RAP1GAP: variants seen among roughly 807,000 people sequenced by gnomAD.
RAP1GAP encodes rap1 GTPase-activating protein 1.
A neutral mutation model predicts 87.2 loss-of-function variants in RAP1GAP; 35 were observed. The ratio of observed to expected loss-of-function variants is 0.40; its 90% CI spans 0.31 to 0.53. RAP1GAP has a LOEUF of 0.53. Among genes scored for constraint, RAP1GAP ranks in the 20% least tolerant of loss-of-function variants. The pLI, the probability that RAP1GAP is intolerant of heterozygous loss-of-function variation, is 0.48. For synonymous variants in RAP1GAP, 375 were observed against 363.9 expected, an observed-to-expected ratio of 1.03 and a Z score of -0.35; for missense variants, 734 against 898.9, an observed-to-expected ratio of 0.82 and a Z score of 2.35.
At chr1:21,625,236 G>A (rs989937565) in intron 3 of RAP1GAP, among the ~76,000 whole-genome samples, 5 of 152,204 alleles carry the variant, frequency 3.3e-5, no homozygotes, top group Non-Finnish European at 7.3e-5. Context: ...CCAGGCCAGA[G>A]CTCTCAGGGA....
chr1:21,661,254 A>G (rs2097144866), intron 1 of RAP1GAP, among the ~76,000 whole-genome samples: 1 of 109,884 alleles, frequency 9.1e-6, no homozygotes, highest in South Asian at 2.3e-4. Flanking sequence ...TCTGTCTCCA[A>G]AAAAAAAAAA....
intron 2 of RAP1GAP, among the ~76,000 whole-genome samples, chr1:21,646,493 C>T (rs950045729): frequency 1.3e-5 from 2 of 152,236 alleles, no homozygotes; most frequent in Non-Finnish European, 2.9e-5. Flanking sequence ...CAACAACAGG[C>T]CAAATTGCAG....
intron 2 of RAP1GAP, among the ~76,000 whole-genome samples, chr1:21,648,158 G>C (rs1052684733): frequency 2.0e-5 from 3 of 152,166 alleles, no homozygotes; most frequent in Non-Finnish European, 2.9e-5. Context: ...GGCGTGTCCT[G>C]GGGAATGGCC....
chr1:21,611,944 C>A (rs755758141), intron 11 of RAP1GAP, 82 bp downstream of exon 11: 1 of 1,481,150 alleles, frequency 6.8e-7, no homozygotes, highest in Non-Finnish European at 9.3e-7. Context: ...AGTCCCTTGG[C>A]CGGTGTGCTG....
At chr1:21,662,845 AG>A (rs1558934601) in intron 1 of RAP1GAP, among the ~76,000 whole-genome samples, 3 of 152,154 alleles carry the variant, frequency 2.0e-5, no homozygotes, top group Middle Eastern at 3.2e-3. Flanking sequence ...AACCTCTCTG[AG>A]CCCTTGAGGG....
intron 20 of RAP1GAP, among the ~76,000 whole-genome samples, chr1:21,599,868 C>T (rs961670099): frequency 2.0e-5 from 3 of 152,206 alleles, no homozygotes; most frequent in African/African-American, 7.2e-5. Flanking sequence ...TCCTGGCCTC[C>T]CATTTCCCCA....
intron 1 of RAP1GAP, among the ~76,000 whole-genome samples, chr1:21,663,402 C>T (rs74703560): frequency 0.015 from 2,352 of 152,328 alleles, 68 homozygotes; most frequent in African/African-American, 0.054. Context: ...ACCTCCAACA[C>T]AGGGGAAGAC....
At chr1:21,658,939 C>CA (rs1177238705) in intron 1 of RAP1GAP, among the ~76,000 whole-genome samples, 2 of 80,202 alleles carry the variant, frequency 2.5e-5, no homozygotes, top group Non-Finnish European at 2.3e-5. Context: ...AAATGAAGAA[C>CA]GCTTTTTTTT....
At chr1:21,647,677 T>C (rs931417165) in intron 2 of RAP1GAP, among the ~76,000 whole-genome samples, 1 of 151,976 alleles carries the variant, frequency 6.6e-6, no homozygotes, top group Non-Finnish European at 1.5e-5. Flanking sequence ...CAGATTCAAG[T>C]CCACACCTGT....
At position 21,608,327 on chromosome 1, in the gene RAP1GAP, C is replaced by T; in HGVS notation, c.1182G>A (p.Leu394=). ...KLEERTRAAL[L]ETLYEELHIH... is the part of the protein sequence containing the mutation. ...TGTGTAGTTCCTCATAGAGCGTCTC[C>T]AGGAGGGCGGCCCGCGTCCGCTCCT... is the stretch of plus-strand genomic sequence containing the variant. The change falls in exon 17 of 25, where the codon CTG becomes CTA. Residue 394 remains leucine, a synonymous_variant. Transcript: ENST00000374765. 3 of 1,613,512 alleles carry T rather than the reference C, an allele frequency of 1.9e-6. No homozygotes were observed. Among genetic ancestry groups the T allele is most frequent in the Non-Finnish European group, 2.5e-6 (3 of 1,179,808 alleles).
intron 13 of RAP1GAP, among the ~76,000 whole-genome samples, chr1:21,610,666 A>T (rs900776147): frequency 6.6e-6 from 1 of 152,118 alleles, no homozygotes; most frequent in Non-Finnish European, 1.5e-5. Context: ...AATGAGCTAT[A>T]ATGAGCTTGG....
rs200181562 is a variant in RAP1GAP, at chr1:21,611,614, C to T, written c.714-33G>A. The T allele has an allele frequency of 1.6e-4, 261 of 1,613,970 alleles. 1 individual carries two copies. The highest frequency in any genetic ancestry group is 1.3e-3 in the Middle Eastern group (8 of 6,060). ...GGGGCCCCCCAGGCCACGCCTCAGT[C>T]TCCAGCCCTGGCCAGGCCTCCATGG... On this transcript the variant is annotated intron_variant, in intron 12 of 24. Transcript: ENST00000374765.
chr1:21,640,146 T>C (rs1302821030), intron 2 of RAP1GAP, among the ~76,000 whole-genome samples: 1 of 147,484 alleles, frequency 6.8e-6, no homozygotes, highest in African/African-American at 2.5e-5. Context: ...CCCGAGGTGC[T>C]CCTTCCCACC....
In RAP1GAP at chr1:21,613,383, G is replaced by A. The variant is rs566182347; in HGVS notation, c.475-154C>T. Among the ~76,000 whole-genome samples the A allele has an allele frequency of 3.3e-5, 5 of 152,252 alleles. No individual in the cohort carries two copies. Among genetic ancestry groups the A allele is most frequent in the South Asian group, 2.1e-4 (1 of 4,820 alleles). On this transcript the variant is annotated intron_variant, in intron 9 of 24. Coordinates refer to ENST00000374765, the MANE Select transcript of RAP1GAP (RefSeq NM_002885.4). The surrounding 1 kb of genome is among the most constrained non-coding windows in gnomAD (Gnocchi z 4.7). Reference sequence around the variant, plus strand: ...CGGGGTTCACTGTTGCTCAGGGAACGGAGGTCCCCTGAGATCTGAAGGTGC... The same window carrying A: ...CGGGGTTCACTGTTGCTCAGGGAACAGAGGTCCCCTGAGATCTGAAGGTGC...
At chr1:21,618,295 C>T (rs1428983257) in intron 5 of RAP1GAP, among the ~76,000 whole-genome samples, 1 of 152,194 alleles carries the variant, frequency 6.6e-6, no homozygotes, top group East Asian at 1.9e-4. Context: ...TCCTCACAGG[C>T]TCCCAGGTGG....
chr1:21,603,531 T>C lies in RAP1GAP; in HGVS notation c.1429-618A>G, dbSNP rs1558620294. ...TGGCGCTCCATGCAGACCGGCGATA[T>C]TGGGGGACGTGCGGCTGGGTGTAGG... is the stretch of plus-strand genomic sequence containing the variant. On this transcript the variant is annotated intron_variant, in intron 18 of 24. Transcript: ENST00000374765. This position sits in a 1 kb window ranked among gnomAD's most constrained non-coding sequence, Gnocchi z 6.0. 4 of 603,562 alleles carry C rather than the reference T, an allele frequency of 6.6e-6. No homozygotes were observed. Among genetic ancestry groups the C allele is most frequent in the African/African-American group, 1.9e-5 (1 of 53,956 alleles). 37.4% of individuals were successfully genotyped at this position (603,562 alleles called of 1,614,324 possible). A position where few individuals can be genotyped will look rare whatever the true frequency, so the allele number is the denominator to read the frequency against.
At position 21,610,243 on chromosome 1, in the gene RAP1GAP, G is replaced by C; in HGVS notation, c.876C>G (p.Ile292Met). The part of the protein sequence containing the change: ...LQRKRHIGND[I>M]VAVVFQDENT... ...TCTCATCCTGGAAGACCACAGCCACGATGTCGTTCCCGATGTGCCGCTTCC... is the reference window on the plus strand; with the variant it reads ...TCTCATCCTGGAAGACCACAGCCACCATGTCGTTCCCGATGTGCCGCTTCC... Residue 292 changes from isoleucine (I) to methionine (M), a missense_variant, in exon 14 of 25, where the codon ATC (isoleucine) becomes ATG (methionine). Ile to Met is a conservative substitution (Grantham distance 10). Around this residue, in one of 2 missense-constraint regions of RAP1GAP, gnomAD observed 485 missense variants for 646.2 expected, o/e 0.75. Transcript: ENST00000374765. The C allele has an allele frequency of 2.5e-6, 4 of 1,614,120 alleles. No homozygotes were observed. The highest frequency in any genetic ancestry group is 3.4e-6 in the Non-Finnish European group (4 of 1,180,020).
chr1:21,647,060 T>A (rs954291023), intron 2 of RAP1GAP, among the ~76,000 whole-genome samples: 1 of 152,132 alleles, frequency 6.6e-6, no homozygotes, highest in African/African-American at 2.4e-5. Flanking sequence ...TTTTACTTAT[T>A]CCCCTCCCTG....
intron 5 of RAP1GAP, 31 bp downstream of exon 5, chr1:21,618,994 G>C: frequency 6.3e-7 from 1 of 1,578,472 alleles, no homozygotes; most frequent in Non-Finnish European, 8.6e-7. Context: ...CCACCCCCTA[G>C]AGAGGGAGGC....
Sources: allele counts gnomAD v4.1 joint callset (sites outside exome capture counted in the v4.1 genomes callset), GRCh38; gene constraint gnomAD v4.1.1; regional missense constraint gnomAD v4.1.1; non-coding constraint Gnocchi (gnomAD v3.1); transcripts MANE v1.5; gene names NCBI Gene and HGNC (gene_info 2026-07-23, HGNC 2026-07-21).